CHST8: variants seen among roughly 807,000 people sequenced by gnomAD.
CHST8 encodes the protein carbohydrate sulfotransferase 8, also known as GALNAC-4-ST1.
In CHST8, 10 loss-of-function variants were observed where a neutral mutation model predicts 15.0. The ratio of observed to expected loss-of-function variants is 0.67; its 90% CI spans 0.41 to 1.13. The LOEUF is 1.13. Among genes scored for constraint, CHST8 ranks in the 50% most tolerant of loss-of-function variants. The pLI, the probability that CHST8 is intolerant of heterozygous loss-of-function variation, is 0.00. For missense variants in CHST8, 634 were observed against 608.2 expected (o/e 1.04, Z -0.45); for synonymous variants, 259 against 256.6 (o/e 1.01, Z -0.09).
At chr19:33,637,619 G>C (rs1428184322) in intron 1 of CHST8, among the ~76,000 whole-genome samples, 39 of 150,112 alleles carry the variant, frequency 2.6e-4, no homozygotes, top group African/African-American at 9.3e-4. Flanking sequence ...AGCCAGGATG[G>C]TCTCGATCTC....
chr19:33,752,722 ATTTT>A (rs2145358937), intron 3 of CHST8, among the ~76,000 whole-genome samples: 1 of 152,264 alleles, frequency 6.6e-6, no homozygotes, highest in African/African-American at 2.4e-5. Flanking sequence ...AAGACAGCAT[ATTTT>A]ATCGTTTAAA....
intron 3 of CHST8, among the ~76,000 whole-genome samples, chr19:33,764,535 C>T (rs1357461216): frequency 6.6e-6 from 1 of 152,116 alleles, no homozygotes; most frequent in African/African-American, 2.4e-5. Context: ...CTTAAAGCCC[C>T]ATGAGATCAC....
rs762023019 is a variant in CHST8, at chr19:33,772,914, C to T, written c.1126C>T (p.Arg376Trp). The T allele has an allele frequency of 1.1e-5, 18 of 1,613,480 alleles. No homozygotes were observed. The Admixed American group carries it at 2.3e-4, about 21-fold the overall frequency. Residue 376 changes from arginine (R) to tryptophan (W), a missense_variant, in exon 5 of 5, where the codon CGG becomes TGG. Coordinates refer to ENST00000650847, the MANE Select transcript of CHST8 (RefSeq NM_001127895.2). ...CCTGACCTTCCCCCGGTTCAAGGAC[C>T]GGCACTCGCAGGAGGCGCGGACCAC... ...RNLTFPRFKDRHSQEARTTAR... is the reference protein window; with the variant it reads ...RNLTFPRFKDWHSQEARTTAR...
chr19:33,677,493 G>A (rs891095982), intron 2 of CHST8, among the ~76,000 whole-genome samples: 1 of 152,166 alleles, frequency 6.6e-6, no homozygotes, highest in Admixed American at 6.5e-5. Context: ...GAGACCGGCC[G>A]TGGAGGAGCA....
At chr19:33,700,156 G>A (rs1973303993) in intron 3 of CHST8, among the ~76,000 whole-genome samples, 3 of 152,216 alleles carry the variant, frequency 2.0e-5, no homozygotes, top group Admixed American at 2.0e-4. Flanking sequence ...CTTTCCCCGG[G>A]CAGGTGGGTT....
intron 1 of CHST8, among the ~76,000 whole-genome samples, chr19:33,645,202 G>A (rs1421673159): frequency 1.3e-5 from 2 of 152,190 alleles, no homozygotes; most frequent in Admixed American, 1.3e-4. Context: ...GAAGTCAGGA[G>A]TTGGGGGACA....
intron 1 of CHST8, among the ~76,000 whole-genome samples, chr19:33,666,672 G>C (rs1168222321): frequency 1.3e-5 from 2 of 152,118 alleles, no homozygotes; most frequent in Non-Finnish European, 2.9e-5. Flanking sequence ...CTTAATTAGA[G>C]AGTAGTTGTT....
At chr19:33,757,383 AAAAGAAGAAAGAAAGAAAGAAAGAAAG>A in intron 3 of CHST8, among the ~76,000 whole-genome samples, 1 of 108,948 alleles carries the variant, frequency 9.2e-6, no homozygotes, top group Admixed American at 1.1e-4. Context: ...CGGTCTCAAA[AAAAGAAGAAAGAAAGAAAGAAAGAAAG>A]AAAGAAAGAA....
chr19:33,638,422 A>G (rs1972235048), intron 1 of CHST8, among the ~76,000 whole-genome samples: 1 of 152,196 alleles, frequency 6.6e-6, no homozygotes, highest in Non-Finnish European at 1.5e-5. Context: ...GCAAATGTCA[A>G]GGCGTTTTTG....
At chr19:33,663,234 A>T (rs1156532751) in intron 1 of CHST8, among the ~76,000 whole-genome samples, 1 of 152,128 alleles carries the variant, frequency 6.6e-6, no homozygotes, top group Non-Finnish European at 1.5e-5. Context: ...GTGCATGGAG[A>T]TTGGACTTTG....
chr19:33,728,303 G>C (rs191408392), intron 3 of CHST8, among the ~76,000 whole-genome samples: 2 of 152,378 alleles, frequency 1.3e-5, no homozygotes, highest in Admixed American at 1.3e-4. Context: ...CTATGTCCTT[G>C]ATGTGGATAT....
chr19:33,718,237 T>A (rs935196173), intron 3 of CHST8, among the ~76,000 whole-genome samples: 5 of 149,074 alleles, frequency 3.4e-5, no homozygotes, highest in African/African-American at 4.9e-5. Flanking sequence ...TTTTTTTTTT[T>A]AAACAGACTC....
At chr19:33,653,617 G>A (rs77178059) in intron 1 of CHST8, among the ~76,000 whole-genome samples, 4,613 of 152,212 alleles carry the variant, frequency 0.03, 207 homozygotes, top group African/African-American at 0.099. Flanking sequence ...AGTAAAGCAC[G>A]GTGGTTAAGA....
At chr19:33,711,381 G>A (rs1278419971) in intron 3 of CHST8, among the ~76,000 whole-genome samples, 3 of 152,146 alleles carry the variant, frequency 2.0e-5, no homozygotes, top group Non-Finnish European at 2.9e-5. Context: ...GCCCTCAGAA[G>A]GTATCAGAAC....
Position 33,757,605 on chromosome 19 carries a change from A to AAAGAAAGAAAGAAAGAAAGG in CHST8, c.131-13808_131-13807insAAGAAAGAAAGAAAGAAAGG, listed in dbSNP as rs1365725815. 8.0e-4 allele frequency among the ~76,000 whole-genome samples: 90 copies of AAAGAAAGAAAGAAAGAAAGG among 112,974 alleles called. 15 individuals carry two copies. The highest frequency in any genetic ancestry group is 3.3e-3 in the African/African-American group (90 of 27,462). The allele number at this position is 112,974 out of a possible 152,430, so 74.1% of individuals were successfully genotyped here. On this transcript the variant is annotated intron_variant, in intron 3 of 4. Coordinates refer to ENST00000650847, the MANE Select transcript of CHST8 (RefSeq NM_001127895.2). ...GAAAGAAAGAAAGAAAGAAAGAAAGAGCCGGCCATTCAGAAGGGAGCAGAA... is the reference window on the plus strand; with the variant it reads ...GAAAGAAAGAAAGAAAGAAAGAAAGAAAGAAAGAAAGAAAGAAAGGGCCGGCCATTCAGAAGGGAGCAGAA...
chr19:33,758,488 C>T (rs1974649871), intron 3 of CHST8, among the ~76,000 whole-genome samples: 1 of 152,258 alleles, frequency 6.6e-6, no homozygotes, highest in Admixed American at 6.5e-5. Context: ...AAAGAAGCAT[C>T]ACTTAAGACA....
At chr19:33,738,578 A>C (rs1170615532) in intron 3 of CHST8, among the ~76,000 whole-genome samples, 1 of 151,934 alleles carries the variant, frequency 6.6e-6, no homozygotes, top group African/African-American at 2.4e-5. Flanking sequence ...GGAGAGAGAG[A>C]GTGCAAGTTT....
intron 1 of CHST8, among the ~76,000 whole-genome samples, chr19:33,656,273 C>T (rs1162837085): frequency 6.6e-6 from 1 of 151,840 alleles, no homozygotes; most frequent in African/African-American, 2.4e-5. Context: ...TAATGGACTC[C>T]AATTATTTTT....
intron 3 of CHST8, among the ~76,000 whole-genome samples, chr19:33,721,948 G>GGTGA (rs1973802794): frequency 6.6e-6 from 1 of 151,612 alleles, no homozygotes; most frequent in Non-Finnish European, 1.5e-5. Flanking sequence ...TGGATGGGTG[G>GGTGA]GTGAGTGGGC....
Sources: gnomAD v4.1 joint callset for allele counts (sites outside exome capture counted in the v4.1 genomes callset) on GRCh38, gnomAD v4.1.1 for gene constraint, MANE v1.5 for transcripts, NCBI Gene and HGNC (gene_info 2026-07-23, HGNC 2026-07-21) for gene names.